TRERF1: variants seen among roughly 807,000 people sequenced by gnomAD.
TRERF1 encodes the protein transcriptional regulating factor 1.
A neutral mutation model predicts 122.9 loss-of-function variants in TRERF1; 27 were observed. That is an observed-to-expected ratio of 0.22 (90% confidence interval 0.16 to 0.30). The LOEUF (loss-of-function observed/expected upper bound fraction) is 0.30. TRERF1 is among the 10% of genes least tolerant of loss of function. TRERF1 has a pLI of 1.00. For synonymous variants in TRERF1, 636 were observed against 641.7 expected (o/e 0.99, Z 0.13); for missense variants, 1,248 against 1,560.3 (o/e 0.80, Z 3.37).
At chr6:42,253,171 C>T (rs1302111025) in intron 13 of TRERF1, among the ~76,000 whole-genome samples, 1 of 152,050 alleles carries the variant, frequency 6.6e-6, no homozygotes, top group African/African-American at 2.4e-5. Context: ...GCTTTCTGAC[C>T]TTTTTAATGT....
chr6:42,299,137 C>CATAT (rs35015885), intron 4 of TRERF1, among the ~76,000 whole-genome samples: 1 of 132,126 alleles, frequency 7.6e-6, no homozygotes, highest in African/African-American at 2.8e-5. Flanking sequence ...TATCTATCTA[C>CATAT]ATATATATAT....
intron 4 of TRERF1, among the ~76,000 whole-genome samples, chr6:42,289,393 C>T (rs967003489): frequency 6.6e-6 from 1 of 151,954 alleles, no homozygotes; most frequent in South Asian, 2.1e-4. Flanking sequence ...ACAAAAAAAC[C>T]TTGCTCTGGC....
At chr6:42,274,491 A>C (rs1341173178) in intron 4 of TRERF1, among the ~76,000 whole-genome samples, 2 of 152,170 alleles carry the variant, frequency 1.3e-5, no homozygotes, top group Non-Finnish European at 2.9e-5. Flanking sequence ...TCTGGCCAAC[A>C]TGGCAAAACC....
At chr6:42,308,589 A>T (rs1272225285) in intron 3 of TRERF1, among the ~76,000 whole-genome samples, 1 of 152,236 alleles carries the variant, frequency 6.6e-6, no homozygotes, top group Non-Finnish European at 1.5e-5. Context: ...TATACTTTAA[A>T]ATGGCCGTGC....
chr6:42,337,071 G>C (rs1377842460), intron 3 of TRERF1, among the ~76,000 whole-genome samples: 1 of 152,182 alleles, frequency 6.6e-6, no homozygotes, highest in African/African-American at 2.4e-5. Context: ...GATGCAGAGA[G>C]ACTCTGGTCA....
intron 2 of TRERF1, among the ~76,000 whole-genome samples, chr6:42,399,798 G>A (rs1323885149): frequency 6.6e-6 from 1 of 152,156 alleles, no homozygotes; most frequent in Non-Finnish European, 1.5e-5. Flanking sequence ...GGTAGTAACT[G>A]AATGCTCTGG....
intron 4 of TRERF1, among the ~76,000 whole-genome samples, chr6:42,281,177 C>G (rs1361180826): frequency 6.6e-6 from 1 of 152,178 alleles, no homozygotes; most frequent in African/African-American, 2.4e-5. Context: ...CACTGGCCCC[C>G]ATTATCTCAC....
Position 42,228,390 on chromosome 6 carries a change from C to T in TRERF1, c.3558G>A (p.Leu1186=), listed in dbSNP as rs376438302. The T allele has an allele frequency of 8.9e-5, 144 of 1,614,012 alleles. No individual in the cohort carries two copies. Among genetic ancestry groups the T allele is most frequent in the Non-Finnish European group, 1.2e-4 (143 of 1,180,006 alleles). ...GAAGCAAGACTGAATCTTGATCATC[C>T]AAGAGAAGATCGGTGTCCACAACTT... Residue 1186 remains leucine (L), a synonymous_variant, in exon 18 of 18, where the codon TTG becomes TTA. Coordinates refer to ENST00000372922, the Ensembl canonical transcript of TRERF1. This position sits in a 1 kb window ranked among gnomAD's most constrained non-coding sequence, Gnocchi z 4.2.
At chr6:42,421,740 C>A (rs1156352425) in intron 2 of TRERF1, among the ~76,000 whole-genome samples, 1 of 151,964 alleles carries the variant, frequency 6.6e-6, no homozygotes, top group Non-Finnish European at 1.5e-5. Context: ...TGCAGTTACA[C>A]TCCAGCCTGG....
At chr6:42,289,571 T>C (rs1783941410) in intron 4 of TRERF1, among the ~76,000 whole-genome samples, 1 of 151,986 alleles carries the variant, frequency 6.6e-6, no homozygotes, top group Admixed American at 6.5e-5. Flanking sequence ...GATAATTGAG[T>C]GAGTGTAAAT....
At chr6:42,277,974 A>C (rs142450599) in intron 4 of TRERF1, among the ~76,000 whole-genome samples, 56 of 147,120 alleles carry the variant, frequency 3.8e-4, no homozygotes, top group East Asian at 3.8e-3. Flanking sequence ...AAGAAGAAGA[A>C]GACTGCAATA....
intron 2 of TRERF1, among the ~76,000 whole-genome samples, chr6:42,376,796 C>T (rs1426759917): frequency 6.6e-6 from 1 of 151,950 alleles, no homozygotes; most frequent in Non-Finnish European, 1.5e-5. Flanking sequence ...CCACCTCAGC[C>T]TCCCAAAGTG....
intron 3 of TRERF1, among the ~76,000 whole-genome samples, chr6:42,341,323 C>T (rs1767262875): frequency 6.6e-6 from 1 of 152,188 alleles, no homozygotes; most frequent in Admixed American, 6.5e-5. Flanking sequence ...TCAGTACTGG[C>T]CAAATATCAA....
intron 3 of TRERF1, among the ~76,000 whole-genome samples, chr6:42,328,197 T>C (rs547665219): frequency 1.0e-3 from 154 of 151,898 alleles, no homozygotes; most frequent in Non-Finnish European, 2.1e-3. Flanking sequence ...TTGGTAAAGA[T>C]GGGGTTTCAC....
intron 3 of TRERF1, among the ~76,000 whole-genome samples, chr6:42,339,725 C>T (rs1766885593): frequency 6.6e-6 from 1 of 152,168 alleles, no homozygotes; most frequent in Non-Finnish European, 1.5e-5. Context: ...ACAACAGGCC[C>T]TGAACAAGTA....
intron 2 of TRERF1, among the ~76,000 whole-genome samples, chr6:42,441,088 C>T (rs762710309): frequency 6.6e-6 from 1 of 152,144 alleles, no homozygotes; most frequent in Non-Finnish European, 1.5e-5. Flanking sequence ...CTCCCCAACT[C>T]GAGCTCTCCC....
At chr6:42,233,460 T>C (rs1277048358) in intron 16 of TRERF1, among the ~76,000 whole-genome samples, 2 of 151,888 alleles carry the variant, frequency 1.3e-5, no homozygotes, top group Non-Finnish European at 2.9e-5. Context: ...TAATTTTTTG[T>C]AGTTTTAGTA....
intron 3 of TRERF1, among the ~76,000 whole-genome samples, chr6:42,318,519 G>A (rs924449046): frequency 2.0e-5 from 3 of 152,214 alleles, no homozygotes; most frequent in African/African-American, 7.2e-5. Context: ...GGAAGCTCCA[G>A]GCTCTAGTTA....
chr6:42,252,627 G>A (rs1400428536), intron 13 of TRERF1, among the ~76,000 whole-genome samples: 2 of 152,224 alleles, frequency 1.3e-5, no homozygotes, highest in Admixed American at 6.5e-5. Flanking sequence ...ATGGGGCCAT[G>A]GAGATGGGAT....
Sources: allele counts gnomAD v4.1 joint callset (sites outside exome capture counted in the v4.1 genomes callset), GRCh38; gene constraint gnomAD v4.1.1; non-coding constraint Gnocchi (gnomAD v3.1); transcripts MANE v1.5; gene names NCBI Gene and HGNC (gene_info 2026-07-23, HGNC 2026-07-21).